The following JAKMIP3 variants were observed in gnomAD, a reference collection of about 807,000 sequenced individuals.
The protein encoded by JAKMIP3 is janus kinase and microtubule-interacting protein 3.
Under a neutral mutation model 118.5 loss-of-function variants are expected in JAKMIP3, and 58 were observed. The observed-to-expected ratio is 0.49, with a 90% CI of 0.40 to 0.61. JAKMIP3 has a LOEUF of 0.61. JAKMIP3 is among the 20% of genes least tolerant of loss of function. The probability of loss-of-function intolerance (pLI) is 0.00; values close to 1 mark genes in which losing one functional copy is unlikely to be tolerated. For synonymous variants in JAKMIP3, 486 were observed against 451.2 expected, an observed-to-expected ratio of 1.08 and a Z score of -0.98; for missense variants, 950 against 1,109.0, an observed-to-expected ratio of 0.86 and a Z score of 2.04.
chr10:132,104,862 C>G lies in JAKMIP3; in HGVS notation c.54C>G (p.Leu18=). 6.4e-7 allele frequency: 1 copy of G among 1,559,616 alleles called. No individual in the cohort carries two copies. Among genetic ancestry groups the G allele is most frequent in the Non-Finnish European group, 8.7e-7 (1 of 1,152,188 alleles). ...SRAKGDKAEA[L]AALQAANEDL... is the part of the protein sequence containing the mutation. ...CCAAGGGGGACAAGGCAGAGGCCCT[C>G]GCGGCGCTGCAGGCGGCCAACGAGG... is the stretch of plus-strand genomic sequence containing the variant. The change falls in exon 2 of 24, where the codon CTC becomes CTG. Residue 18 remains leucine (L), a synonymous_variant. Coordinates refer to ENST00000684848, the MANE Select transcript of JAKMIP3 (RefSeq NM_001323087.2).
At chr10:132,094,309 A>AT (rs1313964823) in intron 1 of JAKMIP3, among the ~76,000 whole-genome samples, 9 of 151,882 alleles carry the variant, frequency 5.9e-5, no homozygotes, top group East Asian at 5.8e-4. Flanking sequence ...AGCTAGTGTG[A>AT]TTTTTTTGGG....
chr10:132,123,977 A>T (rs2049028812), intron 3 of JAKMIP3, among the ~76,000 whole-genome samples: 1 of 152,216 alleles, frequency 6.6e-6, no homozygotes, highest in South Asian at 2.1e-4. Context: ...GAGCCTTTAG[A>T]GTCCCAGGGC....
intron 1 of JAKMIP3, among the ~76,000 whole-genome samples, chr10:132,058,773 T>C (rs974742560): frequency 6.6e-5 from 10 of 151,986 alleles, no homozygotes; most frequent in Non-Finnish European, 1.5e-4. Flanking sequence ...GACGAGGGAG[T>C]CATATGTCTG....
In JAKMIP3 at chr10:132,145,168, A is replaced by C; in HGVS notation, c.1664A>C (p.Lys555Thr). 6.2e-7 allele frequency: 1 copy of C among 1,611,532 alleles called. No individual in the cohort carries two copies. The highest frequency in any genetic ancestry group is 1.7e-5 in the Admixed American group (1 of 59,862). The change falls in exon 12 of 24, where the codon AAG (lysine) becomes ACG (threonine). Residue 555 changes from lysine (K) to threonine (T), a missense_variant. Physicochemically the swap from Lys to Thr is moderately conservative, Grantham distance 78. Coordinates refer to ENST00000684848, the MANE Select transcript of JAKMIP3 (RefSeq NM_001323087.2). ...CAGGCGCGGATAGAGGACCTGGAGA[A>C]GGCCCTGGCGGAGCAGGGGCAGGTG... ...RAQARIEDLEKALAEQGQDMK... is the reference protein window; with the variant it reads ...RAQARIEDLETALAEQGQDMK...
chr10:132,183,414 T>G lies in JAKMIP3; in HGVS notation c.*2161T>G, dbSNP rs1249115203. ...CCCAGATTCACATCCCTCATGTTTA[T>G]TTGGGTCATCATGGTTTAGCATGTT... On this transcript the variant is annotated 3_prime_UTR_variant, in exon 24 of 24. Transcript: ENST00000684848. 1.3e-5 allele frequency: 2 copies of G among 152,252 alleles called. No homozygotes were observed. The highest frequency in any genetic ancestry group is 1.5e-5 in the Non-Finnish European group (1 of 68,044). 9.4% of individuals were successfully genotyped at this position (152,252 alleles called of 1,614,324 possible).
intron 9 of JAKMIP3, among the ~76,000 whole-genome samples, 161 bp from the exon 10 acceptor site, chr10:132,140,290 C>T (rs1266612812): frequency 6.6e-6 from 1 of 152,178 alleles, no homozygotes; most frequent in South Asian, 2.1e-4. Flanking sequence ...GAGCGCCCCT[C>T]ACACCCAGGC....
intron 8 of JAKMIP3, 92 bp from the exon 9 acceptor site, chr10:132,138,027 A>C: frequency 8.2e-7 from 1 of 1,224,390 alleles, no homozygotes; most frequent in Non-Finnish European, 1.2e-6. Context: ...CTTCCCTGTC[A>C]TCCAAATGAT....
At chr10:132,075,647 TG>T in intron 1 of JAKMIP3, among the ~76,000 whole-genome samples, 1 of 152,130 alleles carries the variant, frequency 6.6e-6, no homozygotes, top group East Asian at 1.9e-4. Flanking sequence ...TGACCTCAGG[TG>T]ATCTGCCCGC....
intron 3 of JAKMIP3, among the ~76,000 whole-genome samples, chr10:132,121,634 C>G (rs933496188): frequency 1.3e-5 from 2 of 152,196 alleles, no homozygotes; most frequent in Non-Finnish European, 2.9e-5. Flanking sequence ...CAGGTGTGGG[C>G]ACATTGCCGT....
rs922581537 is a variant in JAKMIP3, at chr10:132,130,949, C to T, written c.634-2363C>T. On this transcript the variant is annotated intron_variant, in intron 3 of 23. Transcript: ENST00000684848. ...CACAGGTGGCTGTGATGCTGCATGTCGGGGCCCCATGCAGAGAGACACTGT... is the reference window on the plus strand; with the variant it reads ...CACAGGTGGCTGTGATGCTGCATGTTGGGGCCCCATGCAGAGAGACACTGT... Among the ~76,000 whole-genome samples the T allele has an allele frequency of 7.9e-5, 12 of 151,178 alleles. No individual in the cohort carries two copies. In the South Asian group the frequency reaches 1.1e-3, roughly 13 times the overall value.
At chr10:132,180,708 CGCGTGTGTGTGCGTGT>C (rs2061118158) in intron 23 of JAKMIP3, among the ~76,000 whole-genome samples, 11 of 12,744 alleles carry the variant, frequency 8.6e-4, no homozygotes, top group Admixed American at 3.6e-3. Context: ...TGTGTGTGTG[CGCGTGTGTGTGCGTGT>C]GTGTGCGTGT....
chr10:132,152,853 G>T lies in JAKMIP3; in HGVS notation c.2008-105G>T, dbSNP rs767690606. ...TTTTAGCTCTGGCCCCCACCCAGGC[G>T]TCCCCAGTCAGCCTCCCCAGTCAGC... is the stretch of plus-strand genomic sequence containing the variant. On this transcript the variant is annotated intron_variant, in intron 16 of 23. Transcript: ENST00000684848. 3.6e-6 allele frequency: 3 copies of T among 843,666 alleles called. No individual in the cohort carries two copies. In the African/African-American group the frequency reaches 5.0e-5, roughly 14 times the overall value. 52.3% of individuals were successfully genotyped at this position (843,666 alleles called of 1,614,324 possible).
Position 132,118,451 on chromosome 10 carries a change from C to T in JAKMIP3, c.633+877C>T, listed in dbSNP as rs766194913. Among the ~76,000 whole-genome samples, 2 of 152,206 alleles carry T rather than the reference C, an allele frequency of 1.3e-5. No homozygotes were observed. Among genetic ancestry groups the T allele is most frequent in the South Asian group, 2.1e-4 (1 of 4,832 alleles). On this transcript the variant is annotated intron_variant, in intron 3 of 23. Transcript: ENST00000684848. This position sits in a 1 kb window ranked among gnomAD's most constrained non-coding sequence, Gnocchi z 4.8. The stretch of plus-strand genomic sequence containing the variant: ...CTTCAGGACCCGGAGCCCCGGGCAC[C>T]TTGGGTGGGATGCAGTGGTCTTTCC...
chr10:132,056,545 CAGTGGCCACAGGATACT>C (rs2038240170), intron 1 of JAKMIP3, among the ~76,000 whole-genome samples: 1 of 152,202 alleles, frequency 6.6e-6, no homozygotes, highest in South Asian at 2.1e-4. Flanking sequence ...ACCTGGTGTT[CAGTGGCCACAGGATACT>C]AGGGCCTCCT....
rs116589011 is a variant in JAKMIP3, at chr10:132,066,018, G to C, written c.-181G>C. The stretch of plus-strand genomic sequence containing the variant: ...CGAGCCGGGAAAGATTCTCACAGTC[G>C]AGCAGAGCGATGGGAGAGAGGAGCA... On this transcript the variant is annotated 5_prime_UTR_variant, in exon 1 of 24. Transcript: ENST00000684848. 3.3e-5 allele frequency among the ~76,000 whole-genome samples: 5 copies of C among 152,332 alleles called. No homozygotes were observed. The South Asian group carries it at 1.0e-3, about 32-fold the overall frequency.
Position 132,163,644 on chromosome 10 carries a change from T to G in JAKMIP3, c.2424+232T>G, listed in dbSNP as rs376638644. Among the ~76,000 whole-genome samples, 140 of 152,140 alleles carry G rather than the reference T, an allele frequency of 9.2e-4. 2 individuals carry two copies. The South Asian group carries it at 0.028, about 31-fold the overall frequency. On this transcript the variant is annotated intron_variant, in intron 20 of 23. Coordinates refer to ENST00000684848, the MANE Select transcript of JAKMIP3 (RefSeq NM_001323087.2). ...GGATGGCCACACCTTCTGATGATCATGCCCCAGAATGGCCACGCCCCCTGC... is the reference window on the plus strand; with the variant it reads ...GGATGGCCACACCTTCTGATGATCAGGCCCCAGAATGGCCACGCCCCCTGC...
At chr10:132,036,997 G>T (rs571592727) in intron 1 of JAKMIP3, among the ~76,000 whole-genome samples, 303 of 152,216 alleles carry the variant, frequency 2.0e-3, no homozygotes, top group African/African-American at 7.0e-3. Flanking sequence ...TGACGCGGCC[G>T]CTGGGTGGGG....
At chr10:132,036,455 G>T (rs1227712935), upstream of JAKMIP3, among the ~76,000 whole-genome samples, 1 of 152,166 alleles carries the variant, frequency 6.6e-6, no homozygotes, top group Non-Finnish European at 1.5e-5. Context: ...CTCCCTACGC[G>T]CGCCCCGCGG....
intron 1 of JAKMIP3, among the ~76,000 whole-genome samples, chr10:132,085,255 TG>T (rs1349236340): frequency 6.6e-6 from 1 of 152,224 alleles, no homozygotes; most frequent in Non-Finnish European, 1.5e-5. Flanking sequence ...TGCCTGTTAT[TG>T]GTCTGTTCAG....
Sources: gnomAD v4.1 joint callset for allele counts (sites outside exome capture counted in the v4.1 genomes callset) on GRCh38, gnomAD v4.1.1 for gene constraint, Gnocchi (gnomAD v3.1) non-coding constraint, MANE v1.5 for transcripts, NCBI Gene and HGNC (gene_info 2026-07-23, HGNC 2026-07-21) for gene names.